AKAP13: variants seen among roughly 807,000 people sequenced by gnomAD.
AKAP13 encodes A-kinase anchor protein 13.
Under a neutral mutation model 264.5 loss-of-function variants are expected in AKAP13, and 80 were observed. That is an observed-to-expected ratio of 0.30 (90% CI 0.25 to 0.36). The LOEUF is 0.36. AKAP13 is among the 10% of genes least tolerant of loss of function. The probability of loss-of-function intolerance (pLI) is 1.00; values close to 1 mark genes in which losing one functional copy is unlikely to be tolerated. For synonymous variants in AKAP13, 1,380 were observed against 1,250.2 expected, an observed-to-expected ratio of 1.10 and a Z score of -2.19; for missense variants, 3,712 against 3,435.2, an observed-to-expected ratio of 1.08 and a Z score of -2.01.
rs368738486 is a variant in AKAP13 at position 85,521,407 on chromosome 15, C to A, written c.34-21C>A. 16 of 1,612,024 alleles carry A rather than the reference C, an allele frequency of 9.9e-6. No homozygotes were observed. The South Asian group carries it at 1.1e-4, about 11-fold the overall frequency. ...GAGGAACCTTACTAATGTAAACTTG[C>A]TATATTGTTTCCTTTCCTAGGGTGA... On this transcript the variant is annotated intron_variant, in intron 2 of 36. Transcript: ENST00000394518.
intron 8 of AKAP13, among the ~76,000 whole-genome samples, chr15:85,630,632 G>A (rs2081734387): frequency 6.6e-6 from 1 of 152,052 alleles, no homozygotes; most frequent in African/African-American, 2.4e-5. Flanking sequence ...TAGAAGGATA[G>A]AAACATCCCA....
At chr15:85,611,014 C>T (rs185676570) in intron 8 of AKAP13, among the ~76,000 whole-genome samples, 4 of 152,136 alleles carry the variant, frequency 2.6e-5, no homozygotes, top group Admixed American at 1.3e-4. Context: ...TTAAGTTTTC[C>T]CCTGTGAAAT....
intron 1 of AKAP13, among the ~76,000 whole-genome samples, chr15:85,424,422 T>C (rs1217554696): frequency 6.6e-6 from 1 of 152,234 alleles, no homozygotes; most frequent in Non-Finnish European, 1.5e-5. Context: ...CTCTGCTAGC[T>C]TGCTAGCTTT....
At position 85,708,323 on chromosome 15, in the gene AKAP13, G is replaced by A. The variant is rs993396990; in HGVS notation, c.5532+237G>A. 3.9e-5 allele frequency among the ~76,000 whole-genome samples: 6 copies of A among 152,124 alleles called. No homozygotes were observed. The highest frequency in any genetic ancestry group is 7.2e-5 in the African/African-American group (3 of 41,426). ...GAAAACGCTTTCAGAACTTCTTCAC[G>A]TTCAATATACATTTCTTCGTGATTT... On this transcript the variant is annotated intron_variant, in intron 18 of 36. Coordinates refer to ENST00000394518, the MANE Select transcript of AKAP13 (RefSeq NM_007200.5). This position sits in a 1 kb window ranked among gnomAD's most constrained non-coding sequence, Gnocchi z 4.3.
intron 5 of AKAP13, among the ~76,000 whole-genome samples, chr15:85,544,779 A>G (rs755335416): frequency 4.1e-4 from 62 of 152,328 alleles, no homozygotes; most frequent in Non-Finnish European, 2.1e-4. Flanking sequence ...CCACCACATT[A>G]TCTGAACAAG....
chr15:85,686,369 G>T (rs139586664), intron 16 of AKAP13, among the ~76,000 whole-genome samples: 29 of 152,236 alleles, frequency 1.9e-4, no homozygotes, highest in African/African-American at 7.0e-4. Flanking sequence ...CACTTCAGTG[G>T]GCTGATGGAA....
At chr15:85,687,801 G>C (rs942532512) in intron 16 of AKAP13, among the ~76,000 whole-genome samples, 2 of 152,134 alleles carry the variant, frequency 1.3e-5, no homozygotes, top group African/African-American at 4.8e-5. Flanking sequence ...AGTACTTTGA[G>C]GCTGAGATGA....
At chr15:85,592,982 A>G (rs1012931950) in intron 8 of AKAP13, among the ~76,000 whole-genome samples, 4 of 152,188 alleles carry the variant, frequency 2.6e-5, no homozygotes, top group East Asian at 3.8e-4. Flanking sequence ...GTTAATCTCT[A>G]GTTTCTTCCA....
At chr15:85,644,471 C>T (rs1480241693) in intron 9 of AKAP13, among the ~76,000 whole-genome samples, 1 of 151,102 alleles carries the variant, frequency 6.6e-6, no homozygotes, top group African/African-American at 2.4e-5. Flanking sequence ...CGAACTCTGG[C>T]CGCAGGTGAT....
At chr15:85,518,169 G>A (rs949450985) in intron 2 of AKAP13, among the ~76,000 whole-genome samples, 3 of 152,164 alleles carry the variant, frequency 2.0e-5, no homozygotes, top group Non-Finnish European at 4.4e-5. Context: ...TATTCTTTAA[G>A]GATGGTAGGA....
At chr15:85,597,966 T>C (rs1400857882) in intron 8 of AKAP13, among the ~76,000 whole-genome samples, 1 of 152,078 alleles carries the variant, frequency 6.6e-6, no homozygotes. Flanking sequence ...TCCTGGTCGC[T>C]CTGGGAAAAG....
At chr15:85,608,454 T>C (rs184488895) in intron 8 of AKAP13, among the ~76,000 whole-genome samples, 2 of 152,364 alleles carry the variant, frequency 1.3e-5, no homozygotes, top group East Asian at 3.9e-4. Flanking sequence ...AAGAAATGGC[T>C]GTTGCCTTTA....
intron 4 of AKAP13, chr15:85,534,146 T>G (rs998863516): frequency 2.3e-6 from 1 of 437,316 alleles, no homozygotes; most frequent in Non-Finnish European, 4.0e-6. Flanking sequence ...GATTTCAGAT[T>G]TGATCTCTCA....
At chr15:85,382,467 C>A (rs762875599) in intron 1 of AKAP13, among the ~76,000 whole-genome samples, 9 of 152,122 alleles carry the variant, frequency 5.9e-5, no homozygotes, top group Non-Finnish European at 1.2e-4. Context: ...GGCTTCCCTT[C>A]CTGGTTGTGT....
chr15:85,586,111 T>C (rs2079330003), intron 8 of AKAP13, among the ~76,000 whole-genome samples: 1 of 152,192 alleles, frequency 6.6e-6, no homozygotes, highest in Non-Finnish European at 1.5e-5. Context: ...GTCAGTAAGC[T>C]TAAATTGTCA....
At chr15:85,679,766 T>C (rs2084481131) in intron 14 of AKAP13, among the ~76,000 whole-genome samples, 2 of 152,224 alleles carry the variant, frequency 1.3e-5, no homozygotes, top group African/African-American at 2.4e-5. Context: ...TGAAATATAT[T>C]ATTTACCCAC....
At chr15:85,714,966 C>CA (rs200153697) in intron 19 of AKAP13, among the ~76,000 whole-genome samples, 5,463 of 146,002 alleles carry the variant, frequency 0.037, 310 homozygotes, top group African/African-American at 0.13. Flanking sequence ...GACTGCATTT[C>CA]AAAAAAAAAA....
intron 8 of AKAP13, among the ~76,000 whole-genome samples, chr15:85,604,917 A>C (rs1024827863): frequency 6.6e-6 from 1 of 152,160 alleles, no homozygotes; most frequent in Non-Finnish European, 1.5e-5. Context: ...CTTGAATACC[A>C]CTGATGTTTA....
rs536284020 is a variant in AKAP13 at position 85,745,654 on chromosome 15, T to G, written c.*977T>G. 42 of 152,324 alleles carry G rather than the reference T, an allele frequency of 2.8e-4. No homozygotes were observed. The highest frequency in any genetic ancestry group is 9.4e-4 in the African/African-American group (39 of 41,570). 9.4% of individuals were successfully genotyped at this position (152,324 alleles called of 1,614,324 possible). A position where few individuals can be genotyped will look rare whatever the true frequency, so the allele number is the denominator to read the frequency against. On this transcript the variant is annotated 3_prime_UTR_variant, in exon 37 of 37. Transcript: ENST00000394518. Reference sequence around the variant, plus strand: ...CAGACAGCAGCTGTCTGGCCCTTGCTGGGTGAGGGCACACCACTGCCAGGG... The same window carrying G: ...CAGACAGCAGCTGTCTGGCCCTTGCGGGGTGAGGGCACACCACTGCCAGGG...
Sources: gnomAD v4.1 joint callset for allele counts (sites outside exome capture counted in the v4.1 genomes callset) on GRCh38, gnomAD v4.1.1 for gene constraint, Gnocchi (gnomAD v3.1) non-coding constraint, MANE v1.5 for transcripts, NCBI Gene and HGNC (gene_info 2026-07-23, HGNC 2026-07-21) for gene names.